TENM3: variants seen among roughly 807,000 people sequenced by gnomAD.
TENM3 encodes the protein teneurin transmembrane protein 3.
A neutral mutation model predicts 255.1 loss-of-function variants in TENM3; 63 were observed. The observed-to-expected ratio is 0.25, with a 90% CI of 0.20 to 0.30. TENM3 has a LOEUF of 0.30. TENM3 is among the 10% of genes least tolerant of loss of function. The pLI, the probability that TENM3 is intolerant of heterozygous loss-of-function variation, is 1.00. For missense variants in TENM3, 2,929 were observed against 3,461.1 expected (o/e 0.85, Z 3.86); for synonymous variants, 1,306 against 1,322.3 (o/e 0.99, Z 0.27).
intron 1 of TENM3, among the ~76,000 whole-genome samples, chr4:182,192,587 G>A (rs1579660689): frequency 6.6e-6 from 1 of 152,294 alleles, no homozygotes; most frequent in East Asian, 1.9e-4. Context: ...TCTTGGGATA[G>A]TTTGGCTAGC....
chr4:181,709,016 T>TAAG, the TENM3 span, among the ~76,000 whole-genome samples: 1 of 152,154 alleles, frequency 6.6e-6, no homozygotes, highest in East Asian at 1.9e-4. Flanking sequence ...TCAATTGGAG[T>TAAG]AAGCAGAATT....
At chr4:182,278,839 CAA>C (rs1037375220) in intron 1 of TENM3, among the ~76,000 whole-genome samples, 5 of 152,154 alleles carry the variant, frequency 3.3e-5, no homozygotes, top group African/African-American at 1.2e-4. Flanking sequence ...TTGGGGATAA[CAA>C]GAGATTTAAG....
At chr4:182,525,622 C>T (rs1157005826) in intron 3 of TENM3, among the ~76,000 whole-genome samples, 1 of 152,212 alleles carries the variant, frequency 6.6e-6, no homozygotes, top group Admixed American at 6.5e-5. Context: ...TATGTACACC[C>T]GTCCCTCTGA....
rs112556290 is a variant in TENM3 at position 182,678,298 on chromosome 4, C to G, written c.1327-1368C>G. Among the ~76,000 whole-genome samples the G allele has an allele frequency of 8.9e-3, 1,361 of 152,228 alleles. 20 individuals are homozygous for G. Among genetic ancestry groups the G allele is most frequent in the African/African-American group, 0.031 (1,286 of 41,534 alleles). On this transcript the variant is annotated intron_variant, in intron 7 of 27. Transcript: ENST00000511685. Reference sequence around the variant, plus strand: ...AATTCTTTTTTAAACTCTCCAGTCACCAATGTTCATGTCTAATTTTACTAC... The same window carrying G: ...AATTCTTTTTTAAACTCTCCAGTCAGCAATGTTCATGTCTAATTTTACTAC...
intron 3 of TENM3, among the ~76,000 whole-genome samples, chr4:182,413,094 GA>G (rs1770115288): frequency 6.6e-6 from 1 of 151,840 alleles, no homozygotes. Context: ...TTGAAAAAAT[GA>G]GAGCAAATAA....
At chr4:182,512,010 G>A (rs1737446869) in intron 3 of TENM3, among the ~76,000 whole-genome samples, 1 of 152,162 alleles carries the variant, frequency 6.6e-6, no homozygotes, top group African/African-American at 2.4e-5. Flanking sequence ...AGCAAAAGAA[G>A]ACTCTACCCA....
chr4:181,919,285 C>A, the TENM3 span, among the ~76,000 whole-genome samples: 3 of 151,854 alleles, frequency 2.0e-5, no homozygotes, highest in Non-Finnish European at 2.9e-5. Flanking sequence ...TTTCCAGCAC[C>A]AAAGTGGTGG....
intron 3 of TENM3, among the ~76,000 whole-genome samples, chr4:182,436,442 G>A (rs1772052086): frequency 6.6e-6 from 1 of 152,158 alleles, no homozygotes; most frequent in Admixed American, 6.5e-5. Flanking sequence ...AGCATTTGGT[G>A]GTGCTGCATA....
the TENM3 span, among the ~76,000 whole-genome samples, chr4:182,082,722 G>A: frequency 6.6e-6 from 1 of 152,144 alleles, no homozygotes; most frequent in Middle Eastern, 3.2e-3. Context: ...AATAAGATGG[G>A]AACATGATGC....
chr4:182,271,260 G>T (rs2150217425), intron 1 of TENM3, among the ~76,000 whole-genome samples: 1 of 152,218 alleles, frequency 6.6e-6, no homozygotes, highest in African/African-American at 2.4e-5. Context: ...ACAGTTCAAA[G>T]CCTAACCACC....
chr4:182,751,956 G>A lies in TENM3; in HGVS notation c.3786G>A (p.Glu1262=), dbSNP rs1762403735. 8 of 1,613,654 alleles carry A rather than the reference G, an allele frequency of 5.0e-6. No individual in the cohort carries two copies. Among genetic ancestry groups the A allele is most frequent in the Non-Finnish European group, 5.9e-6 (7 of 1,179,872 alleles). The change falls in exon 20 of 28, where the codon GAG becomes GAA. Residue 1262 remains glutamate (E), a synonymous_variant. Coordinates refer to ENST00000511685, the MANE Select transcript of TENM3 (RefSeq NM_001080477.4). Reference sequence around the variant, plus strand: ...CAGAAGTCGTCGCAGGGACAGGGGAGCAATGCCTTCCGTTTGACGAGGCGA... The same window carrying A: ...CAGAAGTCGTCGCAGGGACAGGGGAACAATGCCTTCCGTTTGACGAGGCGA... ...KNAEVVAGTG[E]QCLPFDEARC...
At chr4:181,691,820 G>A in the TENM3 span, among the ~76,000 whole-genome samples, 1 of 152,086 alleles carries the variant, frequency 6.6e-6, no homozygotes, top group African/African-American at 2.4e-5. Context: ...TATTTTAACT[G>A]ACTAAATTAA....
chr4:182,664,748 GCCT>G (rs1754512656), intron 6 of TENM3, among the ~76,000 whole-genome samples: 1 of 152,162 alleles, frequency 6.6e-6, no homozygotes, highest in Non-Finnish European at 1.5e-5. Context: ...CATTTGAGTG[GCCT>G]GGATAGACGA....
At chr4:182,360,162 AGGTGT>A (rs1765858531) in intron 3 of TENM3, among the ~76,000 whole-genome samples, 1 of 140,182 alleles carries the variant, frequency 7.1e-6, no homozygotes, top group African/African-American at 2.7e-5. Flanking sequence ...ATTTTGGAAT[AGGTGT>A]GGTGTGGTGC....
the TENM3 span, among the ~76,000 whole-genome samples, chr4:181,634,904 G>A: frequency 8.5e-5 from 13 of 152,084 alleles, no homozygotes; most frequent in East Asian, 3.9e-4. Flanking sequence ...AGCATCCTCC[G>A]TATACACTTT....
At chr4:181,530,715 C>A in the TENM3 span, among the ~76,000 whole-genome samples, 1 of 152,210 alleles carries the variant, frequency 6.6e-6, no homozygotes, top group East Asian at 1.9e-4. Flanking sequence ...AAAAATAAAA[C>A]TAATCTTTAA....
chr4:182,410,108 T>C (rs1769881544), intron 3 of TENM3, among the ~76,000 whole-genome samples: 1 of 152,262 alleles, frequency 6.6e-6, no homozygotes, highest in Admixed American at 6.5e-5. Flanking sequence ...GTTACAGGCA[T>C]GGGCCACTGC....
At chr4:182,366,735 G>A (rs1412202273) in intron 3 of TENM3, among the ~76,000 whole-genome samples, 1 of 151,978 alleles carries the variant, frequency 6.6e-6, no homozygotes, top group Non-Finnish European at 1.5e-5. Flanking sequence ...AATATTTTCA[G>A]AAATACACAG....
At chr4:182,243,790 A>G (rs1312314745) in intron 1 of TENM3, among the ~76,000 whole-genome samples, 1 of 152,096 alleles carries the variant, frequency 6.6e-6, no homozygotes, top group Non-Finnish European at 1.5e-5. Flanking sequence ...AATAATTTTA[A>G]ATGTATGTCT....
Sources: allele counts gnomAD v4.1 joint callset (sites outside exome capture counted in the v4.1 genomes callset), GRCh38; gene constraint gnomAD v4.1.1; transcripts MANE v1.5; gene names NCBI Gene and HGNC (gene_info 2026-07-23, HGNC 2026-07-21).